Variants in LRRC7 observed in about 807,000 individuals in gnomAD.
LRRC7 encodes leucine rich repeat containing 7, also known as leucine-rich repeat-containing protein 7.
Under a neutral mutation model 175.7 loss-of-function variants are expected in LRRC7, and 23 were observed. The ratio of observed to expected loss-of-function variants is 0.13; its 90% CI spans 0.09 to 0.19. The LOEUF is 0.19. LRRC7 is among the 10% of genes least tolerant of loss of function. The pLI, the probability that LRRC7 is intolerant of heterozygous loss-of-function variation, is 1.00. For missense variants in LRRC7, 1,354 were observed against 1,904.7 expected (o/e 0.71, Z 5.38); for synonymous variants, 685 against 680.9 (o/e 1.01, Z -0.09).
At chr1:69,921,334 T>C (rs935079145) in intron 7 of LRRC7, among the ~76,000 whole-genome samples, 22 of 151,860 alleles carry the variant, frequency 1.4e-4, no homozygotes, top group Middle Eastern at 3.4e-3. Context: ...GACACACACA[T>C]ACACACACAC....
At chr1:69,576,826 C>A (rs1352623326) in intron 1 of LRRC7, among the ~76,000 whole-genome samples, 1 of 152,136 alleles carries the variant, frequency 6.6e-6, no homozygotes, top group Non-Finnish European at 1.5e-5. Context: ...ATCCCACACA[C>A]CATTTTACAT....
rs1666281673 is a variant in LRRC7 at position 70,122,857 on chromosome 1, ACG to A, written c.*971_*972del. On this transcript the variant is annotated 3_prime_UTR_variant, in exon 27 of 27. Coordinates refer to ENST00000651989, the MANE Select transcript of LRRC7 (RefSeq NM_001370785.2). ...TTTGCTGCTTTTTAAATTATTTAAA[ACG>A]AATTTTGGAAATTGATAAAATTTAT... The A allele has an allele frequency of 2.0e-5, 3 of 152,476 alleles. No homozygotes were observed. The highest frequency in any genetic ancestry group is 4.4e-5 in the Non-Finnish European group (3 of 67,932). The allele number at this position is 152,476 out of a possible 1,614,324, so 9.4% of individuals were successfully genotyped here.
chr1:70,136,031 G>T lies in LRRC7; in HGVS notation c.*14144G>T, dbSNP rs1666853965. 6.7e-6 allele frequency among the ~76,000 whole-genome samples: 1 copy of T among 149,980 alleles called. No individual in the cohort carries two copies. ...CCATTTCCCAGAGAAATTCAAACTTGGGAATTAATATCTCTCTCTCTCTGT... is the reference window on the plus strand; with the variant it reads ...CCATTTCCCAGAGAAATTCAAACTTTGGAATTAATATCTCTCTCTCTCTGT... On this transcript the variant is annotated 3_prime_UTR_variant, in exon 27 of 27. Transcript: ENST00000651989.
intron 7 of LRRC7, among the ~76,000 whole-genome samples, chr1:69,902,948 G>A (rs541676779): frequency 1.1e-4 from 16 of 152,220 alleles, no homozygotes; most frequent in African/African-American, 3.1e-4. Context: ...CAATGGTCTC[G>A]TTTAGATTTC....
chr1:69,957,923 T>C (rs1650667723), intron 8 of LRRC7, among the ~76,000 whole-genome samples: 1 of 151,962 alleles, frequency 6.6e-6, no homozygotes, highest in South Asian at 2.1e-4. Context: ...TTTTTGGATA[T>C]TTTCAGAGGT....
In LRRC7 at chr1:70,122,119, A is replaced by G. The variant is rs192731703; in HGVS notation, c.*232A>G. On this transcript the variant is annotated 3_prime_UTR_variant, in exon 27 of 27. Coordinates refer to ENST00000651989, the MANE Select transcript of LRRC7 (RefSeq NM_001370785.2). ...TCAGCCTCTGGCTGTGCATTGGTGCAGTTTTGTTTCTGTTTTTGTTTTTGT... is the reference window on the plus strand; with the variant it reads ...TCAGCCTCTGGCTGTGCATTGGTGCGGTTTTGTTTCTGTTTTTGTTTTTGT... 197 of 334,066 alleles carry G rather than the reference A, an allele frequency of 5.9e-4. No homozygotes were observed. The highest frequency in any genetic ancestry group is 9.5e-4 in the Non-Finnish European group (177 of 185,372). 20.7% of individuals were successfully genotyped at this position (334,066 alleles called of 1,614,324 possible).
chr1:69,777,765 A>G (rs192787967), intron 3 of LRRC7, among the ~76,000 whole-genome samples: 2 of 152,258 alleles, frequency 1.3e-5, no homozygotes, highest in Admixed American at 1.3e-4. Context: ...TCTCCATCCT[A>G]TGACTGAAGC....
chr1:69,838,280 C>A lies in LRRC7; in HGVS notation c.644C>A (p.Pro215Gln). 6.2e-7 allele frequency: 1 copy of A among 1,603,976 alleles called. No homozygotes were observed. Among genetic ancestry groups the A allele is most frequent in the Non-Finnish European group, 8.5e-7 (1 of 1,172,222 alleles). Reference protein sequence around the residue: ...ELRENHLKTLPKSMHKLAQLE... With the variant: ...ELRENHLKTLQKSMHKLAQLE... ...AGAGAAAATCACTTGAAAACTCTAC[C>A]AAAGTAAGTGACTGTGTATTTTCTG... is the stretch of plus-strand genomic sequence containing the variant. Residue 215 changes from proline to glutamine, a missense_variant, in exon 7 of 27, where the codon CCA (proline) becomes CAA (glutamine). By Grantham distance (76) the Pro-to-Gln change is moderately conservative (BLOSUM62 -1). This residue lies in a region of LRRC7 where 201 missense variants were observed against 481.4 expected (regional missense o/e 0.42). Transcript: ENST00000651989.
At chr1:69,955,366 A>G (rs756420257) in intron 8 of LRRC7, among the ~76,000 whole-genome samples, 15 of 152,148 alleles carry the variant, frequency 9.9e-5, no homozygotes, top group Admixed American at 2.6e-4. Context: ...ATGATATTGC[A>G]ATGAAATCTA....
intron 10 of LRRC7, among the ~76,000 whole-genome samples, chr1:69,992,364 CT>C (rs1654522197): frequency 6.6e-6 from 1 of 151,892 alleles, no homozygotes; most frequent in Non-Finnish European, 1.5e-5. Flanking sequence ...TTCAGTATTT[CT>C]TAGTTGGGAG....
rs985863230 is a variant in LRRC7, at chr1:70,133,070, T to C, written c.*11183T>C. ...CAAATACTATCCTCATATTTAGTTG[T>C]ACACATCCGCATACTCTTTTAAAGA... On this transcript the variant is annotated 3_prime_UTR_variant, in exon 27 of 27. Coordinates refer to ENST00000651989, the MANE Select transcript of LRRC7 (RefSeq NM_001370785.2). 5.3e-5 allele frequency among the ~76,000 whole-genome samples: 8 copies of C among 152,190 alleles called. No homozygotes were observed. The highest frequency in any genetic ancestry group is 1.9e-4 in the African/African-American group (8 of 41,460).
intron 14 of LRRC7, 43 bp downstream of exon 14, chr1:70,016,577 T>C: frequency 7.0e-7 from 1 of 1,436,780 alleles, no homozygotes; most frequent in Non-Finnish European, 9.4e-7. Flanking sequence ...AGATGAACTA[T>C]AATTGAAAGT....
At chr1:69,732,603 T>C (rs1667694778) in intron 2 of LRRC7, among the ~76,000 whole-genome samples, 1 of 152,030 alleles carries the variant, frequency 6.6e-6, no homozygotes, top group Non-Finnish European at 1.5e-5. Context: ...AAAGATTAGA[T>C]TTAAGTAAAT....
At chr1:69,925,751 C>T (rs1008168423) in intron 7 of LRRC7, among the ~76,000 whole-genome samples, 1 of 151,972 alleles carries the variant, frequency 6.6e-6, no homozygotes, top group Admixed American at 6.6e-5. Flanking sequence ...AAAAAACCAG[C>T]TCCTGGATTC....
chr1:69,901,687 A>G (rs1286751175), intron 7 of LRRC7, among the ~76,000 whole-genome samples: 2 of 152,160 alleles, frequency 1.3e-5, no homozygotes, highest in Non-Finnish European at 2.9e-5. Flanking sequence ...AACAAAAATC[A>G]TCTTTGATCT....
At chr1:70,104,339 T>A (rs1213124139) in intron 25 of LRRC7, among the ~76,000 whole-genome samples, 1 of 152,178 alleles carries the variant, frequency 6.6e-6, no homozygotes, top group Non-Finnish European at 1.5e-5. Context: ...GACCACAAAA[T>A]GGGTTTAGAT....
intron 23 of LRRC7, among the ~76,000 whole-genome samples, chr1:70,063,210 C>T (rs973946669): frequency 6.6e-6 from 1 of 152,032 alleles, no homozygotes; most frequent in Non-Finnish European, 1.5e-5. Context: ...ATAAATTTGC[C>T]ACAGATTAAG....
intron 7 of LRRC7, among the ~76,000 whole-genome samples, chr1:69,854,894 T>C (rs1488165677): frequency 6.6e-6 from 1 of 152,170 alleles, no homozygotes; most frequent in Middle Eastern, 3.2e-3. Flanking sequence ...AGAAACATCA[T>C]GGCGAAGTGG....
At chr1:69,845,453 AT>A (rs1244576435) in intron 7 of LRRC7, among the ~76,000 whole-genome samples, 4 of 152,132 alleles carry the variant, frequency 2.6e-5, no homozygotes, top group Admixed American at 6.6e-5. Flanking sequence ...AAGTTCATTT[AT>A]TCTTTTTTAA....
Sources: gnomAD v4.1 joint callset for allele counts (sites outside exome capture counted in the v4.1 genomes callset) on GRCh38, gnomAD v4.1.1 for gene constraint, gnomAD v4.1.1 regional missense constraint, MANE v1.5 for transcripts, NCBI Gene and HGNC (gene_info 2026-07-23, HGNC 2026-07-21) for gene names.